Variants in PROKR2 observed in about 807,000 individuals in gnomAD.
The protein encoded by PROKR2 is G protein-coupled receptor 73-like 1.
Under a neutral mutation model 23.4 loss-of-function variants are expected in PROKR2, and 26 were observed. That is an observed-to-expected ratio of 1.11 (90% CI 0.81 to 1.54). The LOEUF is 1.54. Among genes scored for constraint, PROKR2 ranks in the 40% most tolerant of loss-of-function variants. The pLI is 0.00. For missense variants in PROKR2, 453 were observed against 511.5 expected, an observed-to-expected ratio of 0.89 and a Z score of 1.10; for synonymous variants, 212 against 201.2, an observed-to-expected ratio of 1.05 and a Z score of -0.45.
In PROKR2 at chr20:5,314,337, T is replaced by C. The variant is rs1225063277; in HGVS notation, c.33A>G (p.Thr11=). ...GGTCTTGGGGTGGATTAAAGTTGGG[T>C]GTGAAACTGGTGTTTCCATTCTGGG... The part of the protein sequence containing the change: MAAQNGNTSF[T]PNFNPPQDHA... Residue 11 remains threonine (T), a synonymous_variant, in exon 2 of 3, where the codon ACA becomes ACG. Coordinates refer to ENST00000678254, the MANE Select transcript of PROKR2 (RefSeq NM_144773.4). 6.2e-7 allele frequency: 1 copy of C among 1,613,996 alleles called. No individual in the cohort carries two copies. The highest frequency in any genetic ancestry group is 8.5e-7 in the Non-Finnish European group (1 of 1,180,030).
chr20:5,316,269 C>A lies in PROKR2; in HGVS notation c.-9+225G>T, dbSNP rs781613264. Reference sequence around the variant, plus strand: ...GGCTCCCTCTGCCCGCGCCCGCACACCACAGACTCCGCTTACCGTACCCTA... The same window carrying A: ...GGCTCCCTCTGCCCGCGCCCGCACAACACAGACTCCGCTTACCGTACCCTA... On this transcript the variant is annotated intron_variant, in intron 1 of 2. Transcript: ENST00000678254. The surrounding 1 kb of genome is among the most constrained non-coding windows in gnomAD (Gnocchi z 5.0). 2.2e-6 allele frequency: 1 copy of A among 456,712 alleles called. No homozygotes were observed. The highest frequency in any genetic ancestry group is 1.5e-5 in the South Asian group (1 of 64,574). 28.3% of individuals were successfully genotyped at this position (456,712 alleles called of 1,614,324 possible). A position where few individuals can be genotyped will look rare whatever the true frequency, so the allele number is the denominator to read the frequency against.
rs769341160 is a variant in PROKR2 at position 5,316,298 on chromosome 20, G to T, written c.-9+196C>A. 33 of 456,582 alleles carry T rather than the reference G, an allele frequency of 7.2e-5. No homozygotes were observed. Among genetic ancestry groups the T allele is most frequent in the Non-Finnish European group, 1.5e-4 (33 of 226,980 alleles). 28.3% of individuals were successfully genotyped at this position (456,582 alleles called of 1,614,324 possible). On this transcript the variant is annotated intron_variant, in intron 1 of 2. Transcript: ENST00000678254. This position sits in a 1 kb window ranked among gnomAD's most constrained non-coding sequence, Gnocchi z 5.0. ...AGACTCCGCTTACCGTACCCTACCC[G>T]GTCCTAGAGGGCCCAGAGGGGATCT...
chr20:5,304,369 T>C (rs1474964411), intron 2 of PROKR2, among the ~76,000 whole-genome samples: 1 of 152,236 alleles, frequency 6.6e-6, no homozygotes, highest in Non-Finnish European at 1.5e-5. Context: ...TCTCCTTTTG[T>C]AGTGGGACTG....
chr20:5,306,499 C>T (rs1450695069), intron 2 of PROKR2, among the ~76,000 whole-genome samples: 2 of 152,192 alleles, frequency 1.3e-5, no homozygotes, highest in African/African-American at 4.8e-5. Flanking sequence ...CAGTAAACAA[C>T]CTGCAGCCTG....
intron 2 of PROKR2, among the ~76,000 whole-genome samples, chr20:5,309,149 G>C (rs1979339452): frequency 6.6e-6 from 1 of 152,318 alleles, no homozygotes; most frequent in African/African-American, 2.4e-5. Flanking sequence ...AAATGGGCAG[G>C]CTCATTCTTG....
intron 2 of PROKR2, among the ~76,000 whole-genome samples, chr20:5,310,579 A>G (rs545335810): frequency 2.7e-5 from 1 of 37,104 alleles, no homozygotes; most frequent in South Asian, 8.8e-4. Flanking sequence ...GAACCTGATC[A>G]GAGAAGAGGA....
chr20:5,309,959 A>G (rs1333408835), intron 2 of PROKR2, among the ~76,000 whole-genome samples: 1 of 152,238 alleles, frequency 6.6e-6, no homozygotes, highest in African/African-American at 2.4e-5. Flanking sequence ...ACACTGGCCT[A>G]GGAGTTATTC....
intron 2 of PROKR2, among the ~76,000 whole-genome samples, chr20:5,305,261 T>C (rs762517987): frequency 9.2e-5 from 14 of 152,216 alleles, no homozygotes; most frequent in Non-Finnish European, 1.3e-4. Flanking sequence ...CCCTGTACAA[T>C]GTCTGTCCCC....
chr20:5,309,225 G>T (rs533183458), intron 2 of PROKR2, among the ~76,000 whole-genome samples: 1 of 152,180 alleles, frequency 6.6e-6, no homozygotes, highest in African/African-American at 2.4e-5. Flanking sequence ...GTCTCCTATT[G>T]CTGCTTGTAA....
At position 5,307,793 on chromosome 20, in the gene PROKR2, G is replaced by A. The variant is rs138961532; in HGVS notation, c.459-5057C>T. On this transcript the variant is annotated intron_variant, in intron 2 of 2. Coordinates refer to ENST00000678254, the MANE Select transcript of PROKR2 (RefSeq NM_144773.4). ...TCAAATAATATGGCCTGCTGTAGAA[G>A]CTAAACATAAAGATTTGTGGAAACT... is the stretch of plus-strand genomic sequence containing the variant. Among the ~76,000 whole-genome samples the A allele has an allele frequency of 6.5e-3, 990 of 152,310 alleles. 33 individuals are homozygous for A. The highest frequency in any genetic ancestry group is 0.055 in the Admixed American group (841 of 15,294).
intron 1 of PROKR2, 32 bp from the exon 2 acceptor site, chr20:5,314,409 G>A: frequency 6.4e-7 from 1 of 1,561,092 alleles, no homozygotes; most frequent in Non-Finnish European, 8.8e-7. Flanking sequence ...GGAGGTGCGA[G>A]GGGTGAGGGT....
chr20:5,313,893 C>G lies in PROKR2; in HGVS notation c.458+19G>C. 1 of 1,607,606 alleles carries G rather than the reference C, an allele frequency of 6.2e-7. No individual in the cohort carries two copies. Among genetic ancestry groups the G allele is most frequent in the Non-Finnish European group, 8.5e-7 (1 of 1,174,474 alleles). On this transcript the variant is annotated intron_variant, in intron 2 of 2. Transcript: ENST00000678254. ...CAGCCTGGCCCAGCCCCACCACTCA[C>G]CCCACCCACCATCCTCACCTGTCAA...
intron 2 of PROKR2, among the ~76,000 whole-genome samples, chr20:5,303,752 A>G (rs1435615037): frequency 6.6e-6 from 1 of 152,172 alleles, no homozygotes; most frequent in African/African-American, 2.4e-5. Context: ...AGAGGCATGA[A>G]GGACAGGGAG....
intron 2 of PROKR2, among the ~76,000 whole-genome samples, chr20:5,309,563 G>A (rs777399001): frequency 2.0e-5 from 3 of 152,156 alleles, no homozygotes. Context: ...AGATAATCCA[G>A]TATAATTTCT....
At chr20:5,312,926 G>A (rs1000345354) in intron 2 of PROKR2, among the ~76,000 whole-genome samples, 11 of 152,224 alleles carry the variant, frequency 7.2e-5, no homozygotes, top group African/African-American at 2.7e-4. Context: ...CGAGGAATAA[G>A]TTCTAGTGTT....
chr20:5,308,458 TCGGCCCA>T lies in PROKR2; in HGVS notation c.458+5447_458+5453del, dbSNP rs1293596168. On this transcript the variant is annotated intron_variant, in intron 2 of 2. Transcript: ENST00000678254. ...AACTAGCCCAACCCATCCCTTTATTTCGGCCCATCCCTTCATTTCGGCCCATCCCTTC... is the reference window on the plus strand; with the variant it reads ...AACTAGCCCAACCCATCCCTTTATTTTCCCTTCATTTCGGCCCATCCCTTC... 6.8e-4 allele frequency among the ~76,000 whole-genome samples: 26 copies of T among 38,504 alleles called. No homozygotes were observed. The South Asian group carries it at 0.013, about 19-fold the overall frequency. The allele number at this position is 38,504 out of a possible 152,430, so 25.3% of individuals were successfully genotyped here. A position where few individuals can be genotyped will look rare whatever the true frequency, so the allele number is the denominator to read the frequency against.
Position 5,316,227 on chromosome 20 carries a change from G to C in PROKR2, c.-9+267C>G. 1 of 456,520 alleles carries C rather than the reference G, an allele frequency of 2.2e-6. No individual in the cohort carries two copies. Among genetic ancestry groups the C allele is most frequent in the South Asian group, 1.5e-5 (1 of 64,560 alleles). 28.3% of individuals were successfully genotyped at this position (456,520 alleles called of 1,614,324 possible). On this transcript the variant is annotated intron_variant, in intron 1 of 2. Transcript: ENST00000678254. This position sits in a 1 kb window ranked among gnomAD's most constrained non-coding sequence, Gnocchi z 5.0. ...CCCCTGCAATTTGGAGCTCGTCCGCGAGCTCAGCTACCCGCTGGCTCCCTC... is the reference window on the plus strand; with the variant it reads ...CCCCTGCAATTTGGAGCTCGTCCGCCAGCTCAGCTACCCGCTGGCTCCCTC...
chr20:5,309,397 C>G (rs1389437709), intron 2 of PROKR2, among the ~76,000 whole-genome samples: 1 of 152,066 alleles, frequency 6.6e-6, no homozygotes, highest in Non-Finnish European at 1.5e-5. Context: ...TTTTTGTTGC[C>G]TTTTCTAGGG....
At position 5,316,577 on chromosome 20, in the gene PROKR2, G is replaced by T. The variant is rs941281086; in HGVS notation, c.-92C>A. 13 of 335,686 alleles carry T rather than the reference G, an allele frequency of 3.9e-5. No homozygotes were observed. Among genetic ancestry groups the T allele is most frequent in the Non-Finnish European group, 6.6e-5 (11 of 167,428 alleles). 20.8% of individuals were successfully genotyped at this position (335,686 alleles called of 1,614,324 possible). A position where few individuals can be genotyped will look rare whatever the true frequency, so the allele number is the denominator to read the frequency against. On this transcript the variant is annotated 5_prime_UTR_variant, in exon 1 of 3. Coordinates refer to ENST00000678254, the MANE Select transcript of PROKR2 (RefSeq NM_144773.4). This position sits in a 1 kb window ranked among gnomAD's most constrained non-coding sequence, Gnocchi z 5.0. Reference sequence around the variant, plus strand: ...CAGTGTGGTTGGGCGCAGGCGGGCCGCTCGGTTTTCACCTCGAGGACCCGG... The same window carrying T: ...CAGTGTGGTTGGGCGCAGGCGGGCCTCTCGGTTTTCACCTCGAGGACCCGG...
Sources: allele counts gnomAD v4.1 joint callset (sites outside exome capture counted in the v4.1 genomes callset), GRCh38; gene constraint gnomAD v4.1.1; non-coding constraint Gnocchi (gnomAD v3.1); transcripts MANE v1.5; gene names NCBI Gene and HGNC (gene_info 2026-07-23, HGNC 2026-07-21).